The following ACER3 variants were observed in gnomAD, a reference collection of about 807,000 sequenced individuals.
ACER3 encodes alkaline ceramidase 3, also known as alkCDase 3.
In ACER3, 16 loss-of-function variants were observed where a neutral mutation model predicts 48.9. The observed-to-expected ratio is 0.33, with a 90% CI of 0.22 to 0.50. The LOEUF is 0.50. ACER3 is among the 20% of genes least tolerant of loss of function. The pLI, the probability that ACER3 is intolerant of heterozygous loss-of-function variation, is 0.98. For missense variants in ACER3, 227 were observed against 326.0 expected (o/e 0.70, Z 2.34); for synonymous variants, 109 against 107.8 (o/e 1.01, Z -0.07).
chr11:76,884,169 C>T (rs879770068), intron 1 of ACER3, among the ~76,000 whole-genome samples: 2 of 152,056 alleles, frequency 1.3e-5, no homozygotes, highest in Admixed American at 6.5e-5. Flanking sequence ...GTTTTTTATT[C>T]GGCGGTAGAC....
At chr11:76,970,994 C>A (rs749242286) in intron 3 of ACER3, among the ~76,000 whole-genome samples, 11 of 152,148 alleles carry the variant, frequency 7.2e-5, no homozygotes, top group Non-Finnish European at 1.0e-4. Flanking sequence ...TGTCTGGTTT[C>A]TTTAACTTAG....
chr11:77,016,687 G>A lies in ACER3; in HGVS notation c.612G>A (p.Lys204=). 1.3e-6 allele frequency: 2 copies of A among 1,572,784 alleles called. No homozygotes were observed. The highest frequency in any genetic ancestry group is 2.3e-5 in the East Asian group (1 of 43,412). ...TCTCTCCACACAGGAACTTTCGAAA[G>A]AAGGTACCACCTATCATAGGTATTA... ...IFCESLRNFR[K]KVPPIIGITT... Residue 204 remains lysine, a synonymous_variant, in exon 9 of 11, where the codon AAG becomes AAA. Transcript: ENST00000532485.
intron 2 of ACER3, among the ~76,000 whole-genome samples, chr11:76,940,630 C>A (rs1437931574): frequency 6.6e-6 from 1 of 152,144 alleles, no homozygotes; most frequent in Non-Finnish European, 1.5e-5. Context: ...TCTGACTTAA[C>A]AATCCTTCTC....
Position 76,893,788 on chromosome 11 carries a change from T to C in ACER3, c.103+32709T>C, listed in dbSNP as rs538718203. Among the ~76,000 whole-genome samples the C allele has an allele frequency of 2.6e-4, 39 of 152,390 alleles. 2 individuals carry two copies. The South Asian group carries it at 6.8e-3, about 27-fold the overall frequency. ...TTTCTTAAGAATTTGTAACATCAGA[T>C]AATGCAATTAAATTCAAACTACCTT... is the stretch of plus-strand genomic sequence containing the variant. On this transcript the variant is annotated intron_variant, in intron 1 of 10. Transcript: ENST00000532485.
At chr11:76,862,052 CCTT>C (rs1245009263) in intron 1 of ACER3, among the ~76,000 whole-genome samples, 1 of 152,184 alleles carries the variant, frequency 6.6e-6, no homozygotes, top group Non-Finnish European at 1.5e-5. Flanking sequence ...AATATTTGAT[CCTT>C]CTTTTAGGTA....
At chr11:77,010,122 T>G (rs1208348056) in intron 7 of ACER3, among the ~76,000 whole-genome samples, 7 of 151,444 alleles carry the variant, frequency 4.6e-5, no homozygotes, top group Middle Eastern at 3.4e-3. Flanking sequence ...CCCTAAGAAT[T>G]TGTAAAGAAA....
rs782709009 is a variant in ACER3 at position 77,016,682 on chromosome 11, C to T, written c.607C>T (p.Arg203Ter). 1.3e-6 allele frequency: 2 copies of T among 1,565,334 alleles called. No homozygotes were observed. The highest frequency in any genetic ancestry group is 1.7e-6 in the Non-Finnish European group (2 of 1,151,722). The change falls in exon 9 of 11, where the codon CGA becomes TGA. Residue 203 changes from arginine to a stop codon, truncating the protein, a stop_gained. Transcript: ENST00000532485. LOFTEE classifies it high-confidence loss of function. ...NIFCESLRNF[R>*]KKVPPIIGIT... Reference sequence around the variant, plus strand: ...CTCCCTCTCTCCACACAGGAACTTTCGAAAGAAGGTACCACCTATCATAGG... The same window carrying T: ...CTCCCTCTCTCCACACAGGAACTTTTGAAAGAAGGTACCACCTATCATAGG...
At chr11:77,002,203 A>T (rs148585528) in intron 7 of ACER3, among the ~76,000 whole-genome samples, 1 of 152,356 alleles carries the variant, frequency 6.6e-6, no homozygotes, top group East Asian at 1.9e-4. Flanking sequence ...GGACTTTAAC[A>T]TATGAATATC....
At chr11:76,925,222 A>C (rs1448957476) in intron 1 of ACER3, among the ~76,000 whole-genome samples, 1 of 152,130 alleles carries the variant, frequency 6.6e-6, no homozygotes, top group South Asian at 2.1e-4. Flanking sequence ...TTTTGGGCCA[A>C]TAGATTTATT....
chr11:76,865,992 T>G (rs533249014), intron 1 of ACER3, among the ~76,000 whole-genome samples: 12 of 116,048 alleles, frequency 1.0e-4, no homozygotes, highest in African/African-American at 4.0e-4. Flanking sequence ...TTGTTTTTTG[T>G]TTTTTTTTTT....
At chr11:76,998,423 A>AAGCTAAAGAGCAGAGAGG in intron 6 of ACER3, 1 of 213,526 alleles carries the variant, frequency 4.7e-6, no homozygotes, top group Non-Finnish European at 9.2e-6. Context: ...GCTGAAAGCA[A>AAGCTAAAGAGCAGAGAGG]AGCTAAAGAG....
At chr11:76,908,660 T>A (rs1201376858) in intron 1 of ACER3, among the ~76,000 whole-genome samples, 1 of 152,164 alleles carries the variant, frequency 6.6e-6, no homozygotes, top group Non-Finnish European at 1.5e-5. Flanking sequence ...ATTGTGAAAA[T>A]GGCCATACTG....
At chr11:76,945,332 C>A (rs1482936803) in intron 2 of ACER3, among the ~76,000 whole-genome samples, 1 of 152,158 alleles carries the variant, frequency 6.6e-6, no homozygotes, top group African/African-American at 2.4e-5. Context: ...TTAGTATTCA[C>A]TTGTTCCAAT....
At chr11:76,899,850 A>C (rs1946035669) in intron 1 of ACER3, among the ~76,000 whole-genome samples, 1 of 152,248 alleles carries the variant, frequency 6.6e-6, no homozygotes, top group East Asian at 1.9e-4. Flanking sequence ...GGTGCTGAGC[A>C]CAACCCCCGA....
chr11:76,955,026 C>T (rs1187258431), intron 2 of ACER3, among the ~76,000 whole-genome samples: 1 of 152,126 alleles, frequency 6.6e-6, no homozygotes, highest in African/African-American at 2.4e-5. Flanking sequence ...TTATTGAAAA[C>T]AAATGGTGTC....
chr11:76,951,135 G>A (rs2134985802), intron 2 of ACER3, among the ~76,000 whole-genome samples: 1 of 152,238 alleles, frequency 6.6e-6, no homozygotes, highest in African/African-American at 2.4e-5. Context: ...TAAAGTACCT[G>A]TATCCTATCA....
intron 1 of ACER3, among the ~76,000 whole-genome samples, chr11:76,886,596 C>T (rs1439795817): frequency 6.6e-6 from 1 of 152,090 alleles, no homozygotes; most frequent in Non-Finnish European, 1.5e-5. Context: ...TAGTGGGAGA[C>T]TAGGATTGAT....
rs1454223255 is a variant in ACER3, at chr11:77,021,454, A to G, written c.*1127A>G. The G allele has an allele frequency of 1.3e-5, 2 of 152,226 alleles. No homozygotes were observed. The highest frequency in any genetic ancestry group is 2.9e-5 in the Non-Finnish European group (2 of 68,038). The allele number at this position is 152,226 out of a possible 1,614,324, so 9.4% of individuals were successfully genotyped here. Reference sequence around the variant, plus strand: ...AGTGAAATCTCATCGTAAGGCAGCTAGTTCTAATTTGCATTTGAATGTATA... The same window carrying G: ...AGTGAAATCTCATCGTAAGGCAGCTGGTTCTAATTTGCATTTGAATGTATA... On this transcript the variant is annotated 3_prime_UTR_variant, in exon 11 of 11. Transcript: ENST00000532485.
intron 1 of ACER3, among the ~76,000 whole-genome samples, chr11:76,910,576 G>T (rs544311724): frequency 2.0e-5 from 3 of 152,078 alleles, no homozygotes; most frequent in South Asian, 2.1e-4. Flanking sequence ...AAATTAAGGC[G>T]CAAGGTGGTT....
Sources: allele counts gnomAD v4.1 joint callset (sites outside exome capture counted in the v4.1 genomes callset), GRCh38; gene constraint gnomAD v4.1.1; transcripts MANE v1.5; gene names NCBI Gene and HGNC (gene_info 2026-07-23, HGNC 2026-07-21).